The following CTNNBIP1 variants were observed in gnomAD, a reference collection of about 807,000 sequenced individuals.
CTNNBIP1 encodes beta-catenin-interacting protein 1.
A neutral mutation model predicts 11.8 loss-of-function variants in CTNNBIP1; 7 were observed. The ratio of observed to expected loss-of-function variants is 0.60; its 90% confidence interval spans 0.34 to 1.12. CTNNBIP1 has a LOEUF of 1.12. Ranked by LOEUF, CTNNBIP1 falls within the 50% of genes most tolerant of loss-of-function variation. The pLI is 0.03. For synonymous variants in CTNNBIP1, 58 were observed against 43.9 expected (o/e 1.32, Z -1.26); for missense variants, 101 against 113.4 (o/e 0.89, Z 0.50).
At chr1:9,908,376 T>A (rs1215414878) in intron 1 of CTNNBIP1, among the ~76,000 whole-genome samples, 3 of 141,754 alleles carry the variant, frequency 2.1e-5, no homozygotes, top group Non-Finnish European at 3.1e-5. Flanking sequence ...GATTCTTTTT[T>A]TTTTTTTTTT....
intron 3 of CTNNBIP1, among the ~76,000 whole-genome samples, chr1:9,873,841 C>T (rs1245739101): frequency 6.6e-6 from 1 of 152,170 alleles, no homozygotes; most frequent in Non-Finnish European, 1.5e-5. Context: ...CTTTAGCAAT[C>T]CTCCCAACTC....
chr1:9,905,569 C>A (rs1639601102), intron 1 of CTNNBIP1, among the ~76,000 whole-genome samples: 1 of 151,960 alleles, frequency 6.6e-6, no homozygotes, highest in Non-Finnish European at 1.5e-5. Context: ...ACTACAGGCG[C>A]CCGCCCCCAT....
chr1:9,862,233 T>C (rs1638647026), intron 5 of CTNNBIP1, among the ~76,000 whole-genome samples: 1 of 152,180 alleles, frequency 6.6e-6, no homozygotes, highest in Non-Finnish European at 1.5e-5. Context: ...TTCTCTCTCT[T>C]TTTTTCTTTT....
intron 2 of CTNNBIP1, among the ~76,000 whole-genome samples, chr1:9,881,858 A>G (rs1347933358): frequency 6.6e-6 from 1 of 152,230 alleles, no homozygotes; most frequent in African/African-American, 2.4e-5. Context: ...CACAAGGTAC[A>G]GAACTGGGGC....
intron 1 of CTNNBIP1, among the ~76,000 whole-genome samples, chr1:9,894,412 G>T (rs529655454): frequency 6.6e-6 from 1 of 152,220 alleles, no homozygotes; most frequent in South Asian, 2.1e-4. Flanking sequence ...GTGGAGTGCA[G>T]TGGTGCGATC....
chr1:9,891,566 C>T (rs1369001045), intron 1 of CTNNBIP1, among the ~76,000 whole-genome samples: 1 of 152,152 alleles, frequency 6.6e-6, no homozygotes, highest in African/African-American at 2.4e-5. Context: ...CCACCCGGCT[C>T]TGGGGATGGT....
At chr1:9,876,948 A>G (rs1409712403) in intron 3 of CTNNBIP1, among the ~76,000 whole-genome samples, 1 of 151,590 alleles carries the variant, frequency 6.6e-6, no homozygotes, top group Non-Finnish European at 1.5e-5. Flanking sequence ...GATGGTGAGG[A>G]AGTGGCTCCT....
At chr1:9,865,128 C>G (rs1304150294) in intron 5 of CTNNBIP1, among the ~76,000 whole-genome samples, 1 of 151,524 alleles carries the variant, frequency 6.6e-6, no homozygotes, top group Non-Finnish European at 1.5e-5. Flanking sequence ...ACCTGGGAGG[C>G]TAAGGCAAGA....
At chr1:9,868,639 A>T (rs72635207) in intron 5 of CTNNBIP1, among the ~76,000 whole-genome samples, 11,419 of 152,172 alleles carry the variant, frequency 0.075, 582 homozygotes, top group Non-Finnish European at 0.11. Context: ...TATTATTATT[A>T]TTTTTTGAGA....
intron 1 of CTNNBIP1, among the ~76,000 whole-genome samples, chr1:9,894,267 T>C (rs367988500): frequency 6.6e-6 from 1 of 152,352 alleles, no homozygotes; most frequent in South Asian, 2.1e-4. Flanking sequence ...GCAGAGATCA[T>C]GATACTTGGC....
At chr1:9,881,742 T>C (rs1049002129) in intron 2 of CTNNBIP1, among the ~76,000 whole-genome samples, 4 of 152,178 alleles carry the variant, frequency 2.6e-5, no homozygotes, top group African/African-American at 9.7e-5. Context: ...AAGATGCTTC[T>C]CAAACTGCCA....
At chr1:9,907,772 C>T (rs899863186) in intron 1 of CTNNBIP1, among the ~76,000 whole-genome samples, 2 of 152,294 alleles carry the variant, frequency 1.3e-5, no homozygotes, top group South Asian at 4.1e-4. Flanking sequence ...CCAGAGGGAA[C>T]AGACTGATTC....
intron 1 of CTNNBIP1, among the ~76,000 whole-genome samples, chr1:9,898,711 G>A (rs565840499): frequency 6.6e-6 from 1 of 152,214 alleles, no homozygotes; most frequent in South Asian, 2.1e-4. Context: ...TTGGGGATTG[G>A]CTCCAGGACC....
At chr1:9,852,634 G>C (rs1638416387) in intron 5 of CTNNBIP1, among the ~76,000 whole-genome samples, 1 of 152,216 alleles carries the variant, frequency 6.6e-6, no homozygotes, top group Non-Finnish European at 1.5e-5. Context: ...AGCTGAGTTG[G>C]TTACCTAACA....
intron 2 of CTNNBIP1, among the ~76,000 whole-genome samples, chr1:9,880,509 G>A (rs1018005973): frequency 1.3e-5 from 2 of 152,240 alleles, no homozygotes; most frequent in East Asian, 3.9e-4. Context: ...TGGGATTGCT[G>A]GGTCAAGTGG....
In CTNNBIP1 at chr1:9,910,139, G is replaced by C. The variant is rs906609995; in HGVS notation, c.-188C>G. 2.0e-5 allele frequency: 3 copies of C among 146,972 alleles called. No homozygotes were observed. The highest frequency in any genetic ancestry group is 7.3e-5 in the African/African-American group (3 of 41,050). The allele number at this position is 146,972 out of a possible 1,614,324, so 9.1% of individuals were successfully genotyped here. ...CGGGCCGGCAGGGGCAGCGGGTCCG[G>C]CGCGCAGCGCGCGGCGGCCTGTTCC... On this transcript the variant is annotated 5_prime_UTR_variant, in exon 1 of 6. Transcript: ENST00000377263.
At chr1:9,892,110 C>T (rs930229462) in intron 1 of CTNNBIP1, among the ~76,000 whole-genome samples, 16 of 148,516 alleles carry the variant, frequency 1.1e-4, no homozygotes, top group African/African-American at 3.4e-4. Flanking sequence ...CTGGCTTCTA[C>T]AAAAAATCTT....
intron 5 of CTNNBIP1, among the ~76,000 whole-genome samples, chr1:9,866,606 G>A (rs1638750740): frequency 6.6e-6 from 1 of 151,650 alleles, no homozygotes; most frequent in South Asian, 2.1e-4. Context: ...CTTGAACTGG[G>A]AAGGTGGGGG....
chr1:9,901,936 T>A (rs1639530226), intron 1 of CTNNBIP1, among the ~76,000 whole-genome samples: 1 of 152,178 alleles, frequency 6.6e-6, no homozygotes, highest in Non-Finnish European at 1.5e-5. Context: ...ACTCCAAATG[T>A]GAGTGGCTGC....
Sources: allele counts gnomAD v4.1 joint callset (sites outside exome capture counted in the v4.1 genomes callset), GRCh38; gene constraint gnomAD v4.1.1; transcripts MANE v1.5; gene names NCBI Gene and HGNC (gene_info 2026-07-23, HGNC 2026-07-21).